The following TEP1 variants were observed in gnomAD, a reference collection of about 807,000 sequenced individuals.
TEP1 encodes the protein telomerase associated protein 1.
TEP1 carries 241 observed loss-of-function variants against 306.3 expected under a neutral mutation model. That is an observed-to-expected ratio of 0.79 (90% CI 0.71 to 0.88). The LOEUF is 0.88. Ranked by LOEUF, TEP1 falls within the 40% of genes least tolerant of loss-of-function variation. The probability of loss-of-function intolerance (pLI) is 0.00; values close to 1 mark genes in which losing one functional copy is unlikely to be tolerated. For synonymous variants in TEP1, 1,289 were observed against 1,305.5 expected, an observed-to-expected ratio of 0.99 and a Z score of 0.27; for missense variants, 3,051 against 3,276.1, an observed-to-expected ratio of 0.93 and a Z score of 1.68.
chr14:20,412,033 T>C (rs1879715991), intron 1 of TEP1, among the ~76,000 whole-genome samples: 1 of 152,208 alleles, frequency 6.6e-6, no homozygotes, highest in Admixed American at 6.5e-5. Flanking sequence ...ATAATATTGT[T>C]AAGTCAACCA....
At chr14:20,376,316 A>G (rs1374818413) in intron 41 of TEP1, 52 bp from the exon 42 acceptor site, 1 of 1,565,732 alleles carries the variant, frequency 6.4e-7, no homozygotes, top group Admixed American at 1.9e-5. Context: ...GAAGCCAGAC[A>G]GGCCCTGGGA....
intron 44 of TEP1, 30 bp downstream of exon 44, chr14:20,374,399 C>T (rs373837405): frequency 3.9e-6 from 6 of 1,556,858 alleles, no homozygotes; most frequent in Non-Finnish European, 5.3e-6. Flanking sequence ...TTCCAGAGAC[C>T]CCCCAGTGGG....
rs553265902 is a variant in TEP1 at position 20,407,853 on chromosome 14, T to A, written c.567+20A>T. 205 of 1,556,332 alleles carry A rather than the reference T, an allele frequency of 1.3e-4. 2 individuals are homozygous for A. The South Asian group carries it at 2.3e-3, about 18-fold the overall frequency. ...ACAACAGACATGGCTGGAGTCAAGATGAGTGCCTGGAGCTATTACCAAAGT... is the reference window on the plus strand; with the variant it reads ...ACAACAGACATGGCTGGAGTCAAGAAGAGTGCCTGGAGCTATTACCAAAGT... On this transcript the variant is annotated intron_variant, in intron 2 of 54. Transcript: ENST00000262715.
intron 49 of TEP1, among the ~76,000 whole-genome samples, chr14:20,372,522 G>A (rs1287354831): frequency 6.6e-6 from 1 of 151,978 alleles, no homozygotes; most frequent in Non-Finnish European, 1.5e-5. Context: ...TCTGTAACTG[G>A]TTCATACTGC....
intron 49 of TEP1, among the ~76,000 whole-genome samples, chr14:20,372,486 C>T (rs1224328404): frequency 6.6e-6 from 1 of 151,676 alleles, no homozygotes; most frequent in East Asian, 1.9e-4. Context: ...CTACTGTGAG[C>T]TTCCTTAATT....
chr14:20,374,572 G>A, intron 43 of TEP1, 36 bp from the exon 44 acceptor site: 1 of 1,498,798 alleles, frequency 6.7e-7, no homozygotes, highest in Non-Finnish European at 9.2e-7. Flanking sequence ...GGGATTATCA[G>A]CATCCCTCCA....
chr14:20,391,543 G>A, intron 13 of TEP1, 56 bp downstream of exon 13: 1 of 1,562,614 alleles, frequency 6.4e-7, no homozygotes, highest in Admixed American at 1.8e-5. Flanking sequence ...ATACTGCTCA[G>A]GATCCCCAGC....
chr14:20,404,570 A>C, intron 5 of TEP1, 41 bp downstream of exon 5: 1 of 1,585,960 alleles, frequency 6.3e-7, no homozygotes, highest in East Asian at 2.2e-5. Context: ...TAAGAGAAGG[A>C]ATGAAGTGAA....
Position 20,387,988 on chromosome 14 carries a change from T to A in TEP1, c.2601A>T (p.Pro867=). 6.2e-7 allele frequency: 1 copy of A among 1,613,454 alleles called. No homozygotes were observed. Among genetic ancestry groups the A allele is most frequent in the Non-Finnish European group, 8.5e-7 (1 of 1,179,852 alleles). Residue 867 remains proline (P), a synonymous_variant, in exon 18 of 55, where the codon CCA becomes CCT. Coordinates refer to ENST00000262715, the MANE Select transcript of TEP1 (RefSeq NM_007110.5). The stretch of plus-strand genomic sequence containing the variant: ...ACTGGACCCCTGTCTTTCCTGGGGG[T>A]GGTGGAATCTTGAATATTTTGTCCA... ...GQMDKIFKIP[P]PPGKTGVQSL...
At chr14:20,371,067 T>A in intron 51 of TEP1, 151 bp downstream of exon 51, 1 of 652,186 alleles carries the variant, frequency 1.5e-6, no homozygotes, top group South Asian at 1.9e-5. Flanking sequence ...ATACACAATG[T>A]CCTAAATTAG....
At chr14:20,398,310 G>A (rs1274885815) in intron 9 of TEP1, among the ~76,000 whole-genome samples, 5 of 151,064 alleles carry the variant, frequency 3.3e-5, no homozygotes, top group Admixed American at 6.6e-5. Flanking sequence ...CCTGGGAGGC[G>A]GAGGTTGAAG....
intron 16 of TEP1, 128 bp downstream of exon 16, chr14:20,389,482 A>G (rs1470725759): frequency 3.3e-6 from 5 of 1,496,370 alleles, no homozygotes; most frequent in Non-Finnish European, 3.7e-6. Flanking sequence ...CCTGAAGTGC[A>G]ACAGAGGTAA....
chr14:20,406,590 C>G (rs1879195127), intron 2 of TEP1, among the ~76,000 whole-genome samples, 190 bp from the exon 3 acceptor site: 1 of 152,180 alleles, frequency 6.6e-6, no homozygotes, highest in African/African-American at 2.4e-5. Flanking sequence ...CACCACCTTG[C>G]TCTACTCAAC....
chr14:20,378,964 T>C lies in TEP1; in HGVS notation c.5252+17A>G, dbSNP rs780858151. Reference sequence around the variant, plus strand: ...GGGAAGGCCCTCATTCCAAGACAAATGGGGAGGACCCCTTACCGACAACCA... The same window carrying C: ...GGGAAGGCCCTCATTCCAAGACAAACGGGGAGGACCCCTTACCGACAACCA... On this transcript the variant is annotated intron_variant, in intron 36 of 54. Transcript: ENST00000262715. 6.8e-6 allele frequency: 11 copies of C among 1,613,974 alleles called. No individual in the cohort carries two copies. The highest frequency in any genetic ancestry group is 2.2e-5 in the South Asian group (2 of 91,088).
chr14:20,383,382 G>A, intron 26 of TEP1, 29 bp from the exon 27 acceptor site: 1 of 1,600,672 alleles, frequency 6.2e-7, no homozygotes, highest in Non-Finnish European at 8.5e-7. Context: ...GGGGCAGGAA[G>A]GTAGAAAGAA....
chr14:20,381,401 G>A lies in TEP1; in HGVS notation c.4559C>T (p.Ala1520Val). The change falls in exon 32 of 55, where the codon GCT (alanine) becomes GTT (valine). Residue 1520 changes from alanine (A) to valine (V), a missense_variant and splice_region_variant. Ala to Val is a moderately conservative substitution (Grantham distance 64, BLOSUM62 0). Coordinates refer to ENST00000262715, the MANE Select transcript of TEP1 (RefSeq NM_007110.5). The surrounding 1 kb of genome is among the most constrained non-coding windows in gnomAD (Gnocchi z 4.0). ...LEDTAHILIA[A>V]QLWKTCDADA... is the part of the protein sequence containing the mutation. ...AGCGTCACATGTCTTCCAGAGCTGA[G>A]CTGCATGAACAGATATTGAGAAAGG... 6.2e-7 allele frequency: 1 copy of A among 1,614,124 alleles called. No homozygotes were observed. The highest frequency in any genetic ancestry group is 8.5e-7 in the Non-Finnish European group (1 of 1,180,034).
chr14:20,401,711 A>C, intron 7 of TEP1, 130 bp from the exon 8 acceptor site: 3 of 1,358,954 alleles, frequency 2.2e-6, no homozygotes, highest in Non-Finnish European at 3.0e-6. Flanking sequence ...AGATTTGGCC[A>C]AGGAGCAGGA....
chr14:20,379,333 T>G (rs1885392762), intron 35 of TEP1, among the ~76,000 whole-genome samples: 1 of 152,168 alleles, frequency 6.6e-6, no homozygotes, highest in Non-Finnish European at 1.5e-5. Context: ...TACAGAAAAT[T>G]TTGATGGGTC....
chr14:20,368,771 C>CACACACACAA, intron 54 of TEP1, 27 bp downstream of exon 54: 1 of 1,554,544 alleles, frequency 6.4e-7, no homozygotes. Context: ...CACGCACACA[C>CACACACACAA]ACACACACAC....
Sources: allele counts gnomAD v4.1 joint callset (sites outside exome capture counted in the v4.1 genomes callset), GRCh38; gene constraint gnomAD v4.1.1; non-coding constraint Gnocchi (gnomAD v3.1); transcripts MANE v1.5; gene names NCBI Gene and HGNC (gene_info 2026-07-23, HGNC 2026-07-21).